Variants in CNTN3 observed in about 807,000 individuals in gnomAD.
CNTN3 encodes the protein contactin 3.
CNTN3 carries 60 observed loss-of-function variants against 119.1 expected under a neutral mutation model. That is an observed-to-expected ratio of 0.50 (90% CI 0.41 to 0.62). The LOEUF (loss-of-function observed/expected upper bound fraction) is 0.62. Among genes scored for constraint, CNTN3 ranks in the 20% least tolerant of loss-of-function variants. The probability of loss-of-function intolerance (pLI) is 0.00; values close to 1 mark genes in which losing one functional copy is unlikely to be tolerated. For synonymous variants in CNTN3, 450 were observed against 438.7 expected, an observed-to-expected ratio of 1.03 and a Z score of -0.32; for missense variants, 1,101 against 1,242.4, an observed-to-expected ratio of 0.89 and a Z score of 1.71.
At chr3:74,391,910 G>A (rs1259011072) in intron 5 of CNTN3, among the ~76,000 whole-genome samples, 4 of 152,038 alleles carry the variant, frequency 2.6e-5, no homozygotes, top group African/African-American at 9.7e-5. Flanking sequence ...AGCCCACCTC[G>A]GTCTCCCAAA....
chr3:74,559,569 T>C (rs1364276168), intron 1 of CNTN3, among the ~76,000 whole-genome samples: 3 of 149,158 alleles, frequency 2.0e-5, no homozygotes, highest in Non-Finnish European at 4.4e-5. Context: ...ACATAAAAGA[T>C]TAAAATAAAA....
intron 5 of CNTN3, among the ~76,000 whole-genome samples, chr3:74,406,540 T>G (rs573266530): frequency 1.2e-4 from 18 of 144,714 alleles, no homozygotes; most frequent in South Asian, 6.5e-4. Flanking sequence ...GAACTATGTG[T>G]TTTTTTTTTT....
At chr3:74,592,954 T>G (rs1343710465) in intron 1 of CNTN3, among the ~76,000 whole-genome samples, 1 of 151,982 alleles carries the variant, frequency 6.6e-6, no homozygotes, top group Non-Finnish European at 1.5e-5. Context: ...CAGTACCTAG[T>G]ATATTCCAGG....
chr3:74,420,420 G>C (rs1223610643), intron 5 of CNTN3, among the ~76,000 whole-genome samples: 1 of 152,114 alleles, frequency 6.6e-6, no homozygotes, highest in East Asian at 1.9e-4. Context: ...TCCCAATCTA[G>C]TTATGGAGAA....
intron 18 of CNTN3, among the ~76,000 whole-genome samples, chr3:74,297,589 C>G (rs972617311): frequency 6.6e-6 from 1 of 152,112 alleles, no homozygotes; most frequent in Admixed American, 6.5e-5. Context: ...TAAGGCAAGG[C>G]GAACATGGAG....
At chr3:74,487,312 A>G (rs1358589763) in intron 3 of CNTN3, among the ~76,000 whole-genome samples, 1 of 152,178 alleles carries the variant, frequency 6.6e-6, no homozygotes, top group Admixed American at 6.5e-5. Context: ...GAAAGTTTTT[A>G]AACAGTAAGT....
chr3:74,406,562 A>G (rs1314219220), intron 5 of CNTN3, among the ~76,000 whole-genome samples: 1 of 151,926 alleles, frequency 6.6e-6, no homozygotes, highest in Non-Finnish European at 1.5e-5. Context: ...AATTATCTTC[A>G]AGAGAAAGGC....
At chr3:74,574,386 G>T (rs971421171) in intron 1 of CNTN3, among the ~76,000 whole-genome samples, 3 of 152,170 alleles carry the variant, frequency 2.0e-5, no homozygotes, top group Non-Finnish European at 4.4e-5. Flanking sequence ...GTCACAATCT[G>T]GTGAATATAC....
At chr3:74,527,585 C>T (rs982520699) in intron 1 of CNTN3, among the ~76,000 whole-genome samples, 18 of 151,920 alleles carry the variant, frequency 1.2e-4, no homozygotes, top group African/African-American at 4.3e-4. Flanking sequence ...CTAGTTTCAA[C>T]TAAGTGCAAG....
intron 13 of CNTN3, among the ~76,000 whole-genome samples, chr3:74,307,776 T>C (rs1356425016): frequency 1.3e-5 from 2 of 152,170 alleles, no homozygotes; most frequent in African/African-American, 4.8e-5. Flanking sequence ...CTTGCAAATA[T>C]TGTACAAACT....
intron 4 of CNTN3, among the ~76,000 whole-genome samples, chr3:74,461,651 T>C (rs1181148737): frequency 1.3e-5 from 2 of 152,250 alleles, no homozygotes; most frequent in Non-Finnish European, 2.9e-5. Flanking sequence ...TCTGCAATTT[T>C]ATTTCAATCC....
chr3:74,599,834 C>T (rs1464100313), intron 1 of CNTN3, among the ~76,000 whole-genome samples: 2 of 152,052 alleles, frequency 1.3e-5, no homozygotes. Context: ...CCAATGATTT[C>T]TCAATAGCAA....
At position 74,486,684 on chromosome 3, in the gene CNTN3, A is replaced by G. The variant is rs1157399273; in HGVS notation, c.183-53T>C. 3 of 1,393,820 alleles carry G rather than the reference A, an allele frequency of 2.2e-6. No individual in the cohort carries two copies. The African/African-American group carries it at 4.4e-5, about 21-fold the overall frequency. The allele number at this position is 1,393,820 out of a possible 1,614,324, so 86.3% of individuals were successfully genotyped here. A position where few individuals can be genotyped will look rare whatever the true frequency, so the allele number is the denominator to read the frequency against. ...CCCTTAGTATTTTTAACTTAAAAGA[A>G]GGCTCTCCATTATAAAATCTACTTT... On this transcript the variant is annotated intron_variant, in intron 3 of 22. Coordinates refer to ENST00000263665, the MANE Select transcript of CNTN3 (RefSeq NM_020872.3).
At chr3:74,437,317 C>A (rs537132247) in intron 4 of CNTN3, among the ~76,000 whole-genome samples, 10 of 151,918 alleles carry the variant, frequency 6.6e-5, no homozygotes, top group Non-Finnish European at 1.5e-4. Context: ...AAAAAATTAG[C>A]CGGGTGTGGT....
At chr3:74,349,710 C>T (rs548260479) in intron 11 of CNTN3, among the ~76,000 whole-genome samples, 2 of 152,166 alleles carry the variant, frequency 1.3e-5, no homozygotes, top group East Asian at 1.9e-4. Context: ...TCTATGATTG[C>T]GTTAATATTT....
chr3:74,303,623 G>A (rs1702502474), intron 13 of CNTN3, among the ~76,000 whole-genome samples: 2 of 152,100 alleles, frequency 1.3e-5, no homozygotes, highest in African/African-American at 2.4e-5. Flanking sequence ...AACTTGGGAG[G>A]TGGAGGTTGC....
At chr3:74,484,153 C>G (rs1455925131) in intron 4 of CNTN3, among the ~76,000 whole-genome samples, 1 of 152,142 alleles carries the variant, frequency 6.6e-6, no homozygotes, top group Non-Finnish European at 1.5e-5. Flanking sequence ...ATCTGCCACT[C>G]TTCACAGGGC....
intron 5 of CNTN3, among the ~76,000 whole-genome samples, chr3:74,418,957 A>ATT (rs754157709): frequency 1.4e-5 from 2 of 144,582 alleles, no homozygotes; most frequent in African/African-American, 2.5e-5. Context: ...TGCCTGGATA[A>ATT]TTTTTTTTTT....
intron 2 of CNTN3, among the ~76,000 whole-genome samples, chr3:74,500,757 G>T (rs1158755048): frequency 6.6e-6 from 1 of 152,018 alleles, no homozygotes; most frequent in East Asian, 1.9e-4. Flanking sequence ...CAACAATAAA[G>T]TAACAATATG....
Sources: gnomAD v4.1 joint callset for allele counts (sites outside exome capture counted in the v4.1 genomes callset) on GRCh38, gnomAD v4.1.1 for gene constraint, MANE v1.5 for transcripts, NCBI Gene and HGNC (gene_info 2026-07-23, HGNC 2026-07-21) for gene names.